Variants in TMEFF2 observed in about 807,000 individuals in gnomAD.
TMEFF2 encodes transmembrane protein with EGF like and two follistatin like domains 2.
In TMEFF2, 28 loss-of-function variants were observed where a neutral mutation model predicts 53.8. That is an observed-to-expected ratio of 0.52 (90% confidence interval 0.39 to 0.71). TMEFF2 has a LOEUF of 0.71. Ranked by LOEUF, TMEFF2 falls within the 30% of genes least tolerant of loss-of-function variation. The pLI is 0.00. For missense variants in TMEFF2, 353 were observed against 455.2 expected, an observed-to-expected ratio of 0.78 and a Z score of 2.04; for synonymous variants, 162 against 166.3, an observed-to-expected ratio of 0.97 and a Z score of 0.20.
chr2:191,963,327 G>A (rs1692324747), intron 7 of TMEFF2, among the ~76,000 whole-genome samples: 1 of 152,108 alleles, frequency 6.6e-6, no homozygotes. Context: ...AAAATTATTT[G>A]CTTGTGGTTA....
At chr2:191,973,875 T>C (rs1330809010) in intron 7 of TMEFF2, among the ~76,000 whole-genome samples, 1 of 152,196 alleles carries the variant, frequency 6.6e-6, no homozygotes, top group Admixed American at 6.5e-5. Context: ...CACTCTGCAC[T>C]TCTCCTTGCT....
intron 7 of TMEFF2, among the ~76,000 whole-genome samples, chr2:191,966,088 G>A (rs2105799015): frequency 6.6e-6 from 1 of 152,222 alleles, no homozygotes; most frequent in East Asian, 1.9e-4. Flanking sequence ...GTTTCCCTAG[G>A]TTTCTCTACT....
At position 192,191,990 on chromosome 2, in the gene TMEFF2, C is replaced by T. The variant is rs1261722612; in HGVS notation, c.173-1G>A. 1 of 1,600,694 alleles carries T rather than the reference C, an allele frequency of 6.2e-7. No homozygotes were observed. The highest frequency in any genetic ancestry group is 8.6e-7 in the Non-Finnish European group (1 of 1,168,290). Reference sequence around the variant, plus strand: ...AGATCATTTTCTCTGTCATCATAACCTCAAATTCAAAGAGAACACTCCAGT... The same window carrying T: ...AGATCATTTTCTCTGTCATCATAACTTCAAATTCAAAGAGAACACTCCAGT... On this transcript the variant is annotated splice_acceptor_variant, in intron 1 of 9. Coordinates refer to ENST00000272771, the MANE Select transcript of TMEFF2 (RefSeq NM_016192.4). LOFTEE classifies it high-confidence loss of function.
intron 5 of TMEFF2, among the ~76,000 whole-genome samples, chr2:192,022,212 C>T (rs1478597123): frequency 6.6e-6 from 1 of 152,184 alleles, no homozygotes; most frequent in Non-Finnish European, 1.5e-5. Context: ...ACTAGATCTC[C>T]TCCATAAGCC....
At chr2:192,192,527 C>T (rs1691488333) in intron 1 of TMEFF2, among the ~76,000 whole-genome samples, 1 of 152,128 alleles carries the variant, frequency 6.6e-6, no homozygotes, top group Admixed American at 6.5e-5. Context: ...CTGTGATGGT[C>T]TGTTTGGCTC....
intron 8 of TMEFF2, among the ~76,000 whole-genome samples, chr2:191,954,816 T>C (rs1447725371): frequency 1.3e-5 from 2 of 152,190 alleles, no homozygotes; most frequent in South Asian, 2.1e-4. Context: ...AAAGCTCAGG[T>C]AGACAATCTA....
intron 9 of TMEFF2, among the ~76,000 whole-genome samples, chr2:191,950,990 A>G (rs1298497395): frequency 2.6e-5 from 4 of 152,212 alleles, no homozygotes; most frequent in Non-Finnish European, 5.9e-5. Context: ...ATTATCTGAA[A>G]ATGTCTGACT....
At chr2:192,043,372 C>T (rs1687532157) in intron 5 of TMEFF2, among the ~76,000 whole-genome samples, 1 of 152,178 alleles carries the variant, frequency 6.6e-6, no homozygotes, top group South Asian at 2.1e-4. Flanking sequence ...AGAAAGGGCC[C>T]TGGTACAGTG....
At chr2:191,962,817 C>T (rs1358286433) in intron 7 of TMEFF2, among the ~76,000 whole-genome samples, 1 of 152,044 alleles carries the variant, frequency 6.6e-6, no homozygotes, top group Non-Finnish European at 1.5e-5. Context: ...TCGGCAATGC[C>T]CTGCCTGGCT....
At chr2:192,100,534 C>G (rs946775211) in intron 4 of TMEFF2, among the ~76,000 whole-genome samples, 1 of 152,010 alleles carries the variant, frequency 6.6e-6, no homozygotes, top group Non-Finnish European at 1.5e-5. Flanking sequence ...GAAGAATGAC[C>G]CTTTTATTAA....
At chr2:192,102,394 A>G (rs1208933815) in intron 4 of TMEFF2, among the ~76,000 whole-genome samples, 1 of 152,064 alleles carries the variant, frequency 6.6e-6, no homozygotes, top group East Asian at 1.9e-4. Context: ...ATGGTTGTGT[A>G]TAGGGTCCCA....
chr2:192,174,279 C>T (rs1041198172), intron 4 of TMEFF2, among the ~76,000 whole-genome samples: 1 of 151,726 alleles, frequency 6.6e-6, no homozygotes, highest in African/African-American at 2.4e-5. Flanking sequence ...AGAGCTATTA[C>T]TGCTCTACTG....
At chr2:192,067,150 CAA>C (rs985009942) in intron 4 of TMEFF2, among the ~76,000 whole-genome samples, 5 of 151,564 alleles carry the variant, frequency 3.3e-5, no homozygotes, top group African/African-American at 9.7e-5. Flanking sequence ...AATGTAGGGT[CAA>C]GAGAGAGATT....
chr2:192,018,870 C>G (rs1686798838), intron 5 of TMEFF2, among the ~76,000 whole-genome samples: 1 of 150,328 alleles, frequency 6.7e-6, no homozygotes, highest in Non-Finnish European at 1.5e-5. Flanking sequence ...TATGTAGTAG[C>G]CAGGATATGC....
At chr2:192,155,225 G>A (rs954261721) in intron 4 of TMEFF2, among the ~76,000 whole-genome samples, 5 of 151,880 alleles carry the variant, frequency 3.3e-5, no homozygotes, top group African/African-American at 9.7e-5. Flanking sequence ...GATTTTGACC[G>A]AGAGCCTATT....
At chr2:192,037,193 C>G (rs1687316304) in intron 5 of TMEFF2, 1 of 151,136 alleles carries the variant, frequency 6.6e-6, no homozygotes, top group Non-Finnish European at 1.5e-5. Context: ...CTCTTTAATG[C>G]CACTTTTACT....
chr2:192,057,411 T>C (rs1041274277), intron 5 of TMEFF2, among the ~76,000 whole-genome samples: 13 of 152,252 alleles, frequency 8.5e-5, no homozygotes, highest in Middle Eastern at 3.4e-3. Flanking sequence ...GACTTTTTTT[T>C]CCCTCTATAT....
chr2:191,955,162 TGGGAGAGAGA>T (rs1319268409), intron 8 of TMEFF2, among the ~76,000 whole-genome samples: 13 of 10,918 alleles, frequency 1.2e-3, no homozygotes, highest in African/African-American at 1.2e-3. Context: ...GGAGGAAGAG[TGGGAGAGAGA>T]GGGAGAGAGA....
intron 4 of TMEFF2, among the ~76,000 whole-genome samples, chr2:192,082,649 T>G (rs1424268908): frequency 1.3e-5 from 2 of 152,238 alleles, no homozygotes; most frequent in African/African-American, 4.8e-5. Flanking sequence ...GAATGGACTT[T>G]TATTAAAACT....
Sources: allele counts gnomAD v4.1 joint callset (sites outside exome capture counted in the v4.1 genomes callset), GRCh38; gene constraint gnomAD v4.1.1; transcripts MANE v1.5; gene names NCBI Gene and HGNC (gene_info 2026-07-23, HGNC 2026-07-21).